KCNIP4: variants seen among roughly 807,000 people sequenced by gnomAD.
The protein encoded by KCNIP4 is potassium voltage-gated channel interacting protein 4, also known as Kv channel-interacting protein 4.
A neutral mutation model predicts 34.0 loss-of-function variants in KCNIP4; 12 were observed. The ratio of observed to expected loss-of-function variants is 0.35; its 90% CI spans 0.23 to 0.57. KCNIP4 has a LOEUF of 0.57. Ranked by LOEUF, KCNIP4 falls within the 20% of genes least tolerant of loss-of-function variation. The pLI, the probability that KCNIP4 is intolerant of heterozygous loss-of-function variation, is 0.83. For missense variants in KCNIP4, 238 were observed against 311.7 expected (o/e 0.76, Z 1.78); for synonymous variants, 124 against 102.2 (o/e 1.21, Z -1.29).
At chr4:21,450,724 C>G (rs1395056228) in intron 1 of KCNIP4, among the ~76,000 whole-genome samples, 2 of 152,152 alleles carry the variant, frequency 1.3e-5, no homozygotes, top group Admixed American at 1.3e-4. Context: ...CTTCACACAT[C>G]AGTGCTTCAG....
chr4:20,939,469 G>A (rs1010670322), intron 1 of KCNIP4, among the ~76,000 whole-genome samples: 19 of 152,070 alleles, frequency 1.2e-4, no homozygotes, highest in African/African-American at 4.3e-4. Context: ...TGCCTCCCAG[G>A]TTCAAGCGAT....
chr4:21,368,543 C>T (rs1720025296), intron 1 of KCNIP4, among the ~76,000 whole-genome samples: 1 of 147,268 alleles, frequency 6.8e-6, no homozygotes, highest in South Asian at 2.1e-4. Context: ...CACTCTGCAG[C>T]TTTGGTAACT....
In KCNIP4 at chr4:20,850,576, T is replaced by C; in HGVS notation, c.255A>G (p.Lys85=). ...LLEAQSKFTK[K]ELQILYRGFK... is the part of the protein sequence containing the mutation. ...ATCCTCTGTAAAGGATCTGAAGCTC[T>C]TTCTTGGTAAATTTGCTCTGGGCTT... is the stretch of plus-strand genomic sequence containing the variant. The change falls in exon 3 of 9, where the codon AAA becomes AAG. Residue 85 remains lysine (K), a synonymous_variant. Transcript: ENST00000382152. 6.2e-7 allele frequency: 1 copy of C among 1,613,030 alleles called. No homozygotes were observed. Among genetic ancestry groups the C allele is most frequent in the East Asian group, 2.2e-5 (1 of 44,858 alleles).
chr4:21,012,060 G>T (rs1430921935), intron 1 of KCNIP4, among the ~76,000 whole-genome samples: 1 of 152,116 alleles, frequency 6.6e-6, no homozygotes, highest in Non-Finnish European at 1.5e-5. Flanking sequence ...GGGAAGCAAG[G>T]GTGTCACAAT....
At chr4:21,636,853 C>T (rs192117621) in intron 1 of KCNIP4, among the ~76,000 whole-genome samples, 18 of 152,252 alleles carry the variant, frequency 1.2e-4, no homozygotes, top group Admixed American at 9.8e-4. Context: ...CTGGGCAATT[C>T]GACAGAATTG....
At chr4:20,859,873 T>C (rs1722007499) in intron 2 of KCNIP4, among the ~76,000 whole-genome samples, 1 of 152,134 alleles carries the variant, frequency 6.6e-6, no homozygotes, top group East Asian at 1.9e-4. Context: ...AAACAAATAA[T>C]ATTATGAAGA....
intron 1 of KCNIP4, among the ~76,000 whole-genome samples, chr4:20,912,261 A>C (rs141662419): frequency 1.0e-3 from 153 of 152,310 alleles, no homozygotes; most frequent in African/African-American, 3.5e-3. Flanking sequence ...CTCCATTTGC[A>C]AATGACATGA....
At chr4:21,640,986 G>A in intron 1 of KCNIP4, among the ~76,000 whole-genome samples, 1 of 152,178 alleles carries the variant, frequency 6.6e-6, no homozygotes, top group Non-Finnish European at 1.5e-5. Context: ...TTGAGAAACT[G>A]CTTTTGGTCT....
At chr4:21,563,525 G>A (rs372371837) in intron 1 of KCNIP4, among the ~76,000 whole-genome samples, 10 of 152,034 alleles carry the variant, frequency 6.6e-5, no homozygotes, top group Non-Finnish European at 1.5e-4. Flanking sequence ...GATAGGCAAC[G>A]AAAATTCCAA....
intron 1 of KCNIP4, among the ~76,000 whole-genome samples, chr4:21,728,193 A>G (rs1042867355): frequency 6.6e-6 from 1 of 152,148 alleles, no homozygotes; most frequent in African/African-American, 2.4e-5. Flanking sequence ...CAACACAGCC[A>G]ATTGGATGTA....
intron 3 of KCNIP4, among the ~76,000 whole-genome samples, chr4:20,795,791 C>T (rs1352762827): frequency 6.6e-6 from 1 of 152,122 alleles, no homozygotes; most frequent in Non-Finnish European, 1.5e-5. Context: ...AGTGCTTATC[C>T]ACTGCAAGTG....
At chr4:21,840,582 G>C (rs1165579808) in intron 1 of KCNIP4, among the ~76,000 whole-genome samples, 4 of 152,072 alleles carry the variant, frequency 2.6e-5, no homozygotes, top group Non-Finnish European at 5.9e-5. Flanking sequence ...CCCCAATTTT[G>C]CTTTGAGAAG....
chr4:20,944,330 C>T (rs1413103390), intron 1 of KCNIP4, among the ~76,000 whole-genome samples: 1 of 152,126 alleles, frequency 6.6e-6, no homozygotes, highest in Non-Finnish European at 1.5e-5. Flanking sequence ...AACAGAGACA[C>T]CTTGAAAGGG....
Position 20,732,444 on chromosome 4 carries a change from G to A in KCNIP4, c.642+237C>T, listed in dbSNP as rs141083867. On this transcript the variant is annotated intron_variant, in intron 7 of 8. Transcript: ENST00000382152. ...TAAAAACTGAATGAAAACAAAACTT[G>A]TGAAACATGAGAACTGTTTAGTGTT... Among the ~76,000 whole-genome samples the A allele has an allele frequency of 2.3e-3, 356 of 152,278 alleles. 8 individuals carry two copies. In the South Asian group the frequency reaches 0.047, roughly 20 times the overall value.
intron 1 of KCNIP4, among the ~76,000 whole-genome samples, chr4:21,504,936 G>A (rs766243437): frequency 6.6e-6 from 1 of 152,142 alleles, no homozygotes; most frequent in African/African-American, 2.4e-5. Context: ...CCTCTTTGTG[G>A]TAAGGTAGCC....
intron 3 of KCNIP4, among the ~76,000 whole-genome samples, chr4:20,801,785 C>T (rs953461175): frequency 6.6e-6 from 1 of 151,822 alleles, no homozygotes; most frequent in Non-Finnish European, 1.5e-5. Flanking sequence ...GACAGAGCTA[C>T]AAAACAACTG....
At chr4:21,003,519 A>G (rs1036187953) in intron 1 of KCNIP4, among the ~76,000 whole-genome samples, 11 of 152,248 alleles carry the variant, frequency 7.2e-5, no homozygotes, top group African/African-American at 2.2e-4. Context: ...ACTCTGAGAT[A>G]TTTTGTCCCT....
chr4:21,499,731 C>A (rs1355573924), intron 1 of KCNIP4, among the ~76,000 whole-genome samples: 2 of 152,038 alleles, frequency 1.3e-5, no homozygotes, highest in Non-Finnish European at 2.9e-5. Flanking sequence ...ATTTCTTTTT[C>A]AGAAAGCTTA....
intron 1 of KCNIP4, among the ~76,000 whole-genome samples, chr4:21,758,449 T>C (rs1319244327): frequency 6.6e-6 from 1 of 152,240 alleles, no homozygotes; most frequent in East Asian, 1.9e-4. Flanking sequence ...CTGCACCCTG[T>C]GCAGACTTTC....
Sources: gnomAD v4.1 joint callset for allele counts (sites outside exome capture counted in the v4.1 genomes callset) on GRCh38, gnomAD v4.1.1 for gene constraint, MANE v1.5 for transcripts, NCBI Gene and HGNC (gene_info 2026-07-23, HGNC 2026-07-21) for gene names.